SUPT3H: variants seen among roughly 807,000 people sequenced by gnomAD.
SUPT3H encodes the protein transcription initiation protein SPT3 homolog.
A neutral mutation model predicts 44.3 loss-of-function variants in SUPT3H; 44 were observed. The observed-to-expected ratio is 0.99, with a 90% CI of 0.78 to 1.28. The LOEUF (loss-of-function observed/expected upper bound fraction) is 1.28, where lower values mean the gene tolerates loss of function less well. SUPT3H is among the 50% of genes most tolerant of loss of function. SUPT3H has a pLI of 0.00. For synonymous variants in SUPT3H, 124 were observed against 125.6 expected (o/e 0.99, Z 0.09); for missense variants, 380 against 387.1 (o/e 0.98, Z 0.15).
At chr6:45,010,663 T>C (rs186880107) in intron 5 of SUPT3H, among the ~76,000 whole-genome samples, 1 of 152,254 alleles carries the variant, frequency 6.6e-6, no homozygotes, top group Admixed American at 6.5e-5. Context: ...TATCCACATA[T>C]GGTGGACAGC....
chr6:44,904,741 G>A (rs1042859349), intron 10 of SUPT3H, among the ~76,000 whole-genome samples: 4 of 152,126 alleles, frequency 2.6e-5, no homozygotes, highest in Non-Finnish European at 4.4e-5. Context: ...AACAAAGTTG[G>A]AGGCATCACG....
intron 6 of SUPT3H, among the ~76,000 whole-genome samples, chr6:44,964,292 A>G (rs1776477775): frequency 6.6e-6 from 1 of 152,128 alleles, no homozygotes; most frequent in Non-Finnish European, 1.5e-5. Flanking sequence ...TGATTCCTAC[A>G]TACCATCTCT....
chr6:45,161,733 C>T (rs1809010888), intron 2 of SUPT3H, among the ~76,000 whole-genome samples: 1 of 152,100 alleles, frequency 6.6e-6, no homozygotes, highest in African/African-American at 2.4e-5. Context: ...ACCCAATAAA[C>T]ATTTGATTAA....
intron 2 of SUPT3H, among the ~76,000 whole-genome samples, chr6:45,129,691 T>A (rs1329334350): frequency 6.6e-6 from 1 of 152,110 alleles, no homozygotes; most frequent in African/African-American, 2.4e-5. Flanking sequence ...ATAAACTTTT[T>A]ATCATGAAAA....
intron 1 of SUPT3H, 114 bp from the exon 2 acceptor site, chr6:45,365,415 G>C: frequency 2.9e-6 from 2 of 685,820 alleles, no homozygotes; most frequent in Non-Finnish European, 4.7e-6. Context: ...TTAAATTTCT[G>C]ATTTGTTTTG....
chr6:45,069,080 A>T (rs1793955458), intron 3 of SUPT3H, among the ~76,000 whole-genome samples: 1 of 152,142 alleles, frequency 6.6e-6, no homozygotes, highest in Non-Finnish European at 1.5e-5. Context: ...CACAATAGAG[A>T]ATCAATAAGT....
At chr6:45,168,102 C>G (rs773464122) in intron 2 of SUPT3H, among the ~76,000 whole-genome samples, 1 of 152,086 alleles carries the variant, frequency 6.6e-6, no homozygotes, top group African/African-American at 2.4e-5. Context: ...TGAGCCACCG[C>G]GCCTGGCAAA....
intron 6 of SUPT3H, among the ~76,000 whole-genome samples, chr6:44,991,755 C>T (rs1185584328): frequency 6.6e-6 from 1 of 152,074 alleles, no homozygotes; most frequent in Non-Finnish European, 1.5e-5. Context: ...AAGGCAGCTC[C>T]TCAGCATGGA....
At chr6:45,224,602 A>C (rs1766603528) in intron 2 of SUPT3H, among the ~76,000 whole-genome samples, 2 of 152,108 alleles carry the variant, frequency 1.3e-5, no homozygotes, top group East Asian at 3.9e-4. Flanking sequence ...AGATGGTGAA[A>C]TCTCGTCTCT....
At chr6:45,214,015 CAAAAAAAA>C (rs11418358) in intron 2 of SUPT3H, among the ~76,000 whole-genome samples, 1 of 74,120 alleles carries the variant, frequency 1.3e-5, no homozygotes, top group Non-Finnish European at 2.4e-5. Flanking sequence ...TTTTGAAATG[CAAAAAAAA>C]AAAAAAAAAA....
At chr6:45,130,734 T>C (rs1457243541) in intron 2 of SUPT3H, among the ~76,000 whole-genome samples, 4 of 145,362 alleles carry the variant, frequency 2.8e-5, no homozygotes, top group Non-Finnish European at 6.0e-5. Flanking sequence ...TTTTTTTTTT[T>C]CAGATGGAGT....
intron 2 of SUPT3H, among the ~76,000 whole-genome samples, chr6:45,299,752 C>CA (rs35005958): frequency 0.18 from 18,166 of 102,928 alleles, 1,317 homozygotes; most frequent in Middle Eastern, 0.31. Flanking sequence ...CCGGCTCTGC[C>CA]AAAAAAAAAA....
chr6:45,349,914 G>C (rs1791670315), intron 2 of SUPT3H, among the ~76,000 whole-genome samples: 1 of 152,000 alleles, frequency 6.6e-6, no homozygotes, highest in Non-Finnish European at 1.5e-5. Flanking sequence ...CTTCAGAAAA[G>C]CTAATTTCAA....
At chr6:44,877,144 C>A (rs909093551) in intron 10 of SUPT3H, among the ~76,000 whole-genome samples, 2 of 152,138 alleles carry the variant, frequency 1.3e-5, no homozygotes, top group Non-Finnish European at 2.9e-5. Context: ...CAACATTTTA[C>A]AAAATGTTAT....
intron 10 of SUPT3H, among the ~76,000 whole-genome samples, chr6:44,922,338 T>C (rs374643604): frequency 9.8e-5 from 15 of 152,362 alleles, no homozygotes; most frequent in Middle Eastern, 3.4e-3. Context: ...AGTTTCATTT[T>C]TGAAAGGTGC....
chr6:45,140,504 ACAG>A (rs1805002031), intron 2 of SUPT3H, among the ~76,000 whole-genome samples: 1 of 152,178 alleles, frequency 6.6e-6, no homozygotes, highest in Admixed American at 6.5e-5. Flanking sequence ...TGAGAAAACA[ACAG>A]CTAATTTCAC....
chr6:44,820,269 C>T (rs1018260138), intron 11 of SUPT3H, among the ~76,000 whole-genome samples: 6 of 152,080 alleles, frequency 3.9e-5, no homozygotes, highest in African/African-American at 1.4e-4. Flanking sequence ...ATTACTGAAA[C>T]CTAATGACAT....
intron 2 of SUPT3H, among the ~76,000 whole-genome samples, chr6:45,333,014 C>T (rs1271286140): frequency 6.6e-6 from 1 of 151,706 alleles, no homozygotes; most frequent in Non-Finnish European, 1.5e-5. Flanking sequence ...ATAAAGATAA[C>T]AATGAACTCC....
At chr6:45,269,256 T>C (rs1775735513) in intron 2 of SUPT3H, among the ~76,000 whole-genome samples, 1 of 152,210 alleles carries the variant, frequency 6.6e-6, no homozygotes, top group Admixed American at 6.5e-5. Flanking sequence ...TGTAGGACTA[T>C]TTGGAGCCTT....
Sources: allele counts gnomAD v4.1 joint callset (sites outside exome capture counted in the v4.1 genomes callset), GRCh38; gene constraint gnomAD v4.1.1; transcripts MANE v1.5; gene names NCBI Gene and HGNC (gene_info 2026-07-23, HGNC 2026-07-21).